Variants in RSBN1L observed in about 807,000 individuals in gnomAD.
RSBN1L encodes round spermatid basic protein 1 like.
RSBN1L carries 30 observed loss-of-function variants against 67.7 expected under a neutral mutation model. The observed-to-expected ratio is 0.44, with a 90% confidence interval of 0.33 to 0.60. The LOEUF (loss-of-function observed/expected upper bound fraction) is 0.60, where lower values mean the gene tolerates loss of function less well. Among genes scored for constraint, RSBN1L ranks in the 20% least tolerant of loss-of-function variants. RSBN1L has a pLI of 0.02. For missense variants in RSBN1L, 992 were observed against 1,031.7 expected (o/e 0.96, Z 0.53); for synonymous variants, 433 against 387.0 (o/e 1.12, Z -1.39).
intron 6 of RSBN1L, among the ~76,000 whole-genome samples, chr7:77,776,720 A>G (rs1370846950): frequency 1.4e-5 from 2 of 147,682 alleles, no homozygotes; most frequent in Non-Finnish European, 3.1e-5. Flanking sequence ...AATATAGCCA[A>G]TTCAGCCTTC....
chr7:77,771,698 C>T (rs1229138365), intron 5 of RSBN1L, among the ~76,000 whole-genome samples: 59 of 151,932 alleles, frequency 3.9e-4, no homozygotes, highest in Non-Finnish European at 1.3e-4. Flanking sequence ...TTAAGAGAGA[C>T]GGGATTTCGC....
intron 1 of RSBN1L, among the ~76,000 whole-genome samples, chr7:77,720,077 T>C (rs1791095727): frequency 6.6e-6 from 1 of 152,324 alleles, no homozygotes; most frequent in South Asian, 2.1e-4. Context: ...TGTGTCCTTT[T>C]TTATTTTCCT....
chr7:77,777,204 A>T (rs765258727), intron 6 of RSBN1L, among the ~76,000 whole-genome samples: 1 of 151,872 alleles, frequency 6.6e-6, no homozygotes. Flanking sequence ...GCTAATTGTC[A>T]TGTATTTTAC....
intron 2 of RSBN1L, among the ~76,000 whole-genome samples, chr7:77,746,107 G>C (rs1346940166): frequency 1.3e-5 from 2 of 152,190 alleles, no homozygotes; most frequent in Non-Finnish European, 2.9e-5. Context: ...GTTGCCCTGG[G>C]ATTGGGGATG....
At chr7:77,706,700 T>A (rs945611572) in intron 1 of RSBN1L, among the ~76,000 whole-genome samples, 4 of 152,336 alleles carry the variant, frequency 2.6e-5, no homozygotes, top group African/African-American at 7.2e-5. Flanking sequence ...GTAAATACTG[T>A]AAGTTTATTG....
intron 1 of RSBN1L, among the ~76,000 whole-genome samples, chr7:77,727,978 A>G (rs1562798911): frequency 6.6e-6 from 1 of 151,874 alleles, no homozygotes; most frequent in Non-Finnish European, 1.5e-5. Context: ...TTTTCTCTCT[A>G]TTCTCTGTGT....
At chr7:77,767,504 G>A (rs1791784937) in intron 4 of RSBN1L, among the ~76,000 whole-genome samples, 1 of 151,638 alleles carries the variant, frequency 6.6e-6, no homozygotes, top group African/African-American at 2.4e-5. Flanking sequence ...CTTTCGAGTA[G>A]CTGGGATTAC....
In RSBN1L at chr7:77,768,680, C is replaced by T. The variant is rs753404551; in HGVS notation, c.1502C>T (p.Thr501Met). 5.0e-6 allele frequency: 8 copies of T among 1,613,604 alleles called. No homozygotes were observed. Among genetic ancestry groups the T allele is most frequent in the East Asian group, 2.2e-5 (1 of 44,862 alleles). ...PFLKCTLPWGTLSSLKLQSRK... is the reference protein window; with the variant it reads ...PFLKCTLPWGMLSSLKLQSRK... ...CTCCAGTGTACACTGCCATGGGGGA[C>T]GCTATCTAGTCTAAAATTACAGAGT... Residue 501 changes from threonine to methionine, a missense_variant, in exon 5 of 8, where the codon ACG becomes ATG. Thr to Met is a moderately conservative substitution (Grantham distance 81). This residue lies in a region of RSBN1L where 67 missense variants were observed against 130.5 expected (regional missense o/e 0.51). Transcript: ENST00000334955.
intron 1 of RSBN1L, among the ~76,000 whole-genome samples, chr7:77,724,711 C>T (rs55980640): frequency 0.56 from 84,362 of 151,786 alleles, 25,472 homozygotes; most frequent in African/African-American, 0.81. Context: ...CAGACATGGG[C>T]CACTGCGCCC....
intron 4 of RSBN1L, 148 bp from the exon 5 acceptor site, chr7:77,768,513 G>T: frequency 1.5e-6 from 1 of 667,790 alleles, no homozygotes; most frequent in Non-Finnish European, 2.5e-6. Context: ...TCAATATATA[G>T]GGATATATTC....
chr7:77,738,860 AC>A (rs755877612), intron 2 of RSBN1L, among the ~76,000 whole-genome samples: 1 of 152,050 alleles, frequency 6.6e-6, no homozygotes, highest in Non-Finnish European at 1.5e-5. Context: ...AATCGCTTGA[AC>A]CCAGGAGGCG....
chr7:77,760,143 T>G (rs1323604188), intron 3 of RSBN1L, among the ~76,000 whole-genome samples: 2 of 152,248 alleles, frequency 1.3e-5, no homozygotes, highest in African/African-American at 4.8e-5. Context: ...TATTTCCTGT[T>G]AAGAATAGGC....
chr7:77,770,528 T>A (rs1791833433), intron 5 of RSBN1L, among the ~76,000 whole-genome samples: 1 of 151,916 alleles, frequency 6.6e-6, no homozygotes, highest in South Asian at 2.1e-4. Context: ...AAAATAAATT[T>A]AAAAATTTAG....
At chr7:77,734,575 A>G (rs973060062) in intron 1 of RSBN1L, among the ~76,000 whole-genome samples, 1 of 150,736 alleles carries the variant, frequency 6.6e-6, no homozygotes, top group Non-Finnish European at 1.5e-5. Context: ...TGCAACCTCC[A>G]CCTCCCGGGT....
intron 5 of RSBN1L, 150 bp downstream of exon 5, chr7:77,768,953 T>G (rs943646085): frequency 1.6e-6 from 1 of 632,742 alleles, no homozygotes; most frequent in Non-Finnish European, 2.7e-6. Flanking sequence ...TAATACAATT[T>G]GTTATAAAAC....
chr7:77,747,221 C>T (rs1791496083), intron 2 of RSBN1L, among the ~76,000 whole-genome samples: 1 of 152,172 alleles, frequency 6.6e-6, no homozygotes, highest in South Asian at 2.1e-4. Context: ...AAAGAAAAGC[C>T]TATTGTCAGG....
rs1016769118 is a variant in RSBN1L at position 77,749,722 on chromosome 7, G to A, written c.1002G>A (p.Gln334=). Residue 334 remains glutamine, a synonymous_variant, in exon 3 of 8, where the codon CAG becomes CAA. Coordinates refer to ENST00000334955, the MANE Select transcript of RSBN1L (RefSeq NM_198467.3). ...PFVSLKEPRV[Q]NNLKRLDTLE... ...TCTCATTAAAGGAGCCACGAGTTCA[G>A]AATAACCTCAAAAGGTTGGACACTT... 1 of 1,614,132 alleles carries A rather than the reference G, an allele frequency of 6.2e-7. No homozygotes were observed. Among genetic ancestry groups the A allele is most frequent in the Non-Finnish European group, 8.5e-7 (1 of 1,180,012 alleles).
chr7:77,723,054 G>A (rs1383465058), intron 1 of RSBN1L, among the ~76,000 whole-genome samples: 2 of 145,944 alleles, frequency 1.4e-5, no homozygotes, highest in Non-Finnish European at 3.0e-5. Flanking sequence ...CACAACCTCC[G>A]CCTCCTGGTT....
At position 77,779,560 on chromosome 7, in the gene RSBN1L, G is replaced by T. The variant is rs918805311; in HGVS notation, c.*392G>T. The T allele has an allele frequency of 6.7e-6, 1 of 150,282 alleles. No individual in the cohort carries two copies. Among genetic ancestry groups the T allele is most frequent in the Admixed American group, 6.6e-5 (1 of 15,058 alleles). The allele number at this position is 150,282 out of a possible 1,614,324, so 9.3% of individuals were successfully genotyped here. A position where few individuals can be genotyped will look rare whatever the true frequency, so the allele number is the denominator to read the frequency against. ...TATATCCTTTTTTTTCATTTTAAAT[G>T]TGTCAGCACTGTAGTGTAAATAGCT... On this transcript the variant is annotated 3_prime_UTR_variant, in exon 8 of 8. Transcript: ENST00000334955.
Sources: gnomAD v4.1 joint callset for allele counts (sites outside exome capture counted in the v4.1 genomes callset) on GRCh38, gnomAD v4.1.1 for gene constraint, gnomAD v4.1.1 regional missense constraint, MANE v1.5 for transcripts, NCBI Gene and HGNC (gene_info 2026-07-23, HGNC 2026-07-21) for gene names.